The following CAMTA1 variants were observed in gnomAD, a reference collection of about 807,000 sequenced individuals.
CAMTA1 encodes the protein calmodulin-binding transcription activator 1.
CAMTA1 carries 27 observed loss-of-function variants against 170.9 expected under a neutral mutation model. The observed-to-expected ratio is 0.16, with a 90% confidence interval of 0.12 to 0.22. CAMTA1 has a LOEUF of 0.22. Among genes scored for constraint, CAMTA1 ranks in the 10% least tolerant of loss-of-function variants. The pLI is 1.00. For missense variants in CAMTA1, 1,619 were observed against 2,217.2 expected (o/e 0.73, Z 5.42); for synonymous variants, 833 against 891.5 (o/e 0.93, Z 1.17).
intron 3 of CAMTA1, among the ~76,000 whole-genome samples, chr1:6,989,259 A>T (rs1440687008): frequency 6.6e-6 from 1 of 152,230 alleles, no homozygotes; most frequent in Non-Finnish European, 1.5e-5. Context: ...CTCGATAAGT[A>T]TCCCAACCTG....
intron 4 of CAMTA1, among the ~76,000 whole-genome samples, chr1:7,139,853 C>T (rs867925373): frequency 1.4e-4 from 21 of 152,098 alleles, no homozygotes; most frequent in Admixed American, 1.2e-3. Flanking sequence ...GTTTGCTGGC[C>T]GGGCGTGAGC....
At chr1:7,364,987 G>T (rs1009797426) in intron 5 of CAMTA1, among the ~76,000 whole-genome samples, 1 of 152,216 alleles carries the variant, frequency 6.6e-6, no homozygotes, top group African/African-American at 2.4e-5. Context: ...CCTTAGGCTC[G>T]GTGTGGCTGG....
In CAMTA1 at chr1:7,663,586, A is replaced by G; in HGVS notation, c.1039A>G (p.Asn347Asp). The G allele has an allele frequency of 6.2e-7, 1 of 1,613,954 alleles. No homozygotes were observed. The highest frequency in any genetic ancestry group is 8.5e-7 in the Non-Finnish European group (1 of 1,179,904). ...HQSSTEVSSTNQVEVPDTTQS... is the reference protein window; with the variant it reads ...HQSSTEVSSTDQVEVPDTTQS... ...GAGCAGCACCGAGGTCTCCTCCACC[A>G]ACCAGGTGGAAGTCCCCGACACCAC... is the stretch of plus-strand genomic sequence containing the variant. The change falls in exon 9 of 23, where the codon AAC (asparagine) becomes GAC (aspartate). Residue 347 changes from asparagine (N) to aspartate (D), a missense_variant. Around this residue, in one of 8 missense-constraint regions of CAMTA1, gnomAD observed 731 missense variants for 907.6 expected, o/e 0.81. Transcript: ENST00000303635.
At chr1:7,076,134 G>T (rs577814102) in intron 3 of CAMTA1, among the ~76,000 whole-genome samples, 1 of 152,192 alleles carries the variant, frequency 6.6e-6, no homozygotes, top group Admixed American at 6.5e-5. Context: ...ATGCATCAGG[G>T]TTCCTCTCCT....
chr1:7,342,952 G>A (rs560179682), intron 5 of CAMTA1, among the ~76,000 whole-genome samples: 19 of 152,306 alleles, frequency 1.2e-4, no homozygotes, highest in African/African-American at 4.6e-4. Context: ...TAAGGCCTGA[G>A]ACAAGTGCCC....
chr1:7,539,663 C>T (rs990228385), intron 6 of CAMTA1, among the ~76,000 whole-genome samples: 5 of 152,206 alleles, frequency 3.3e-5, no homozygotes, highest in African/African-American at 1.2e-4. Context: ...AGGATGCTAT[C>T]GTTCTCATAC....
chr1:7,361,980 T>G (rs558278805), intron 5 of CAMTA1, among the ~76,000 whole-genome samples: 43 of 152,326 alleles, frequency 2.8e-4, no homozygotes, highest in African/African-American at 1.0e-3. Flanking sequence ...TAATATTTCT[T>G]GAATGCATAG....
At chr1:7,111,856 G>C (rs1270506533) in intron 4 of CAMTA1, among the ~76,000 whole-genome samples, 2 of 138,194 alleles carry the variant, frequency 1.4e-5, no homozygotes, top group African/African-American at 5.5e-5. Flanking sequence ...CTGCACTCCA[G>C]CCTGGGCGAC....
chr1:7,241,664 A>G (rs77111510), intron 4 of CAMTA1, among the ~76,000 whole-genome samples: 2,008 of 152,310 alleles, frequency 0.013, 41 homozygotes, highest in African/African-American at 0.046. Flanking sequence ...ATTTTCAACA[A>G]AGGTGCAAAA....
intron 7 of CAMTA1, among the ~76,000 whole-genome samples, chr1:7,644,223 C>T (rs2095787986): frequency 1.3e-5 from 2 of 152,148 alleles, no homozygotes; most frequent in African/African-American, 4.8e-5. Flanking sequence ...TTCAGAGAAT[C>T]CCATCCTGGT....
chr1:6,804,069 A>G (rs1644219263), intron 1 of CAMTA1, among the ~76,000 whole-genome samples: 1 of 151,922 alleles, frequency 6.6e-6, no homozygotes, highest in Admixed American at 6.6e-5. Context: ...CAGTAATCCT[A>G]GCTACTTGGG....
intron 4 of CAMTA1, among the ~76,000 whole-genome samples, chr1:7,148,145 A>C (rs1646342499): frequency 6.7e-6 from 1 of 150,260 alleles, no homozygotes; most frequent in African/African-American, 2.5e-5. Flanking sequence ...ATGCATACAC[A>C]CACGACACAA....
chr1:6,937,405 A>T (rs1306577261), intron 3 of CAMTA1, among the ~76,000 whole-genome samples: 3 of 151,800 alleles, frequency 2.0e-5, no homozygotes, highest in African/African-American at 7.3e-5. Flanking sequence ...CATCACCATC[A>T]CCATCATCAT....
At chr1:7,477,796 C>T (rs908470210) in intron 6 of CAMTA1, among the ~76,000 whole-genome samples, 1 of 152,130 alleles carries the variant, frequency 6.6e-6, no homozygotes, top group African/African-American at 2.4e-5. Context: ...CGGCGGCCAA[C>T]GTCTGCTATG....
intron 5 of CAMTA1, among the ~76,000 whole-genome samples, chr1:7,282,759 A>G (rs1671701584): frequency 6.6e-6 from 1 of 152,126 alleles, no homozygotes; most frequent in Non-Finnish European, 1.5e-5. Flanking sequence ...AGTGGGATAG[A>G]GGTGACTGTA....
intron 4 of CAMTA1, among the ~76,000 whole-genome samples, chr1:7,131,244 G>C (rs1054617966): frequency 3.9e-5 from 6 of 152,058 alleles, no homozygotes; most frequent in Non-Finnish European, 8.8e-5. Context: ...GAGCCACTGC[G>C]CCCGGCCGCC....
At chr1:7,639,843 G>C (rs1369231538) in intron 6 of CAMTA1, among the ~76,000 whole-genome samples, 1 of 152,186 alleles carries the variant, frequency 6.6e-6, no homozygotes, top group East Asian at 1.9e-4. Flanking sequence ...AGGCAGAGGG[G>C]CTCCAGCCCT....
At chr1:7,742,081 GAAAGAT>G (rs1474626380) in intron 16 of CAMTA1, among the ~76,000 whole-genome samples, 3 of 150,952 alleles carry the variant, frequency 2.0e-5, no homozygotes, top group Non-Finnish European at 2.9e-5. Flanking sequence ...AGTATAAAAA[GAAAGAT>G]AAAAAGTACA....
chr1:7,153,743 A>T (rs987825566), intron 4 of CAMTA1, among the ~76,000 whole-genome samples: 1 of 152,214 alleles, frequency 6.6e-6, no homozygotes, highest in Non-Finnish European at 1.5e-5. Flanking sequence ...CATGAGGGCC[A>T]CTGCAAGTTC....
Sources: allele counts gnomAD v4.1 joint callset (sites outside exome capture counted in the v4.1 genomes callset), GRCh38; gene constraint gnomAD v4.1.1; regional missense constraint gnomAD v4.1.1; transcripts MANE v1.5; gene names NCBI Gene and HGNC (gene_info 2026-07-23, HGNC 2026-07-21).